The following LGALS4 variants were observed in gnomAD, a reference collection of about 807,000 sequenced individuals.
The protein encoded by LGALS4 is galectin 4.
A neutral mutation model predicts 39.6 loss-of-function variants in LGALS4; 37 were observed. The observed-to-expected ratio is 0.93, with a 90% CI of 0.72 to 1.23. The LOEUF is 1.23. Ranked by LOEUF, LGALS4 falls within the 50% of genes most tolerant of loss-of-function variation. The pLI is 0.00. For missense variants in LGALS4, 397 were observed against 433.2 expected (o/e 0.92, Z 0.74); for synonymous variants, 160 against 165.5 (o/e 0.97, Z 0.25).
At position 38,802,358 on chromosome 19, in the gene LGALS4, C is replaced by A; in HGVS notation, c.617G>T (p.Arg206Ile). Residue 206 changes from arginine (R) to isoleucine (I), a missense_variant, in exon 8 of 10, where the codon AGA (arginine) becomes ATA (isoleucine). Arg to Ile is a moderately conservative substitution (Grantham distance 97). Transcript: ENST00000307751. ...CACATAGCCCTTGATGATGATGGTT[C>A]TTCGAGCTGTGAGCCCTCCTTGCAG... Reference protein sequence around the residue: ...GRLQGGLTARRTIIIKGYVPP... With the variant: ...GRLQGGLTARITIIIKGYVPP... 6.2e-7 allele frequency: 1 copy of A among 1,614,234 alleles called. No homozygotes were observed. The highest frequency in any genetic ancestry group is 8.5e-7 in the Non-Finnish European group (1 of 1,180,042).
chr19:38,807,757 A>G (rs578131316), intron 3 of LGALS4, among the ~76,000 whole-genome samples: 4 of 152,326 alleles, frequency 2.6e-5, no homozygotes, highest in East Asian at 1.9e-4. Flanking sequence ...GTAGACATAG[A>G]AGACTCCATT....
Position 38,812,916 on chromosome 19 carries a change from G to A in LGALS4, c.-30C>T. The A allele has an allele frequency of 6.2e-7, 1 of 1,606,014 alleles. No individual in the cohort carries two copies. The highest frequency in any genetic ancestry group is 8.5e-7 in the Non-Finnish European group (1 of 1,178,186). On this transcript the variant is annotated 5_prime_UTR_variant, in exon 1 of 10. Coordinates refer to ENST00000307751, the MANE Select transcript of LGALS4 (RefSeq NM_006149.4). ...CGAGGCTGCGCTAGTGGCTGGTCCTGTGAGAAGAGCTGCAGGAGTGGGAGA... is the reference window on the plus strand; with the variant it reads ...CGAGGCTGCGCTAGTGGCTGGTCCTATGAGAAGAGCTGCAGGAGTGGGAGA...
rs191218411 is a variant in LGALS4 at position 38,812,632 on chromosome 19, G to A, written c.46-113C>T. 7.4e-4 allele frequency: 781 copies of A among 1,058,526 alleles called. 4 individuals carry two copies. Among genetic ancestry groups the A allele is most frequent in the African/African-American group, 6.4e-3 (405 of 63,768 alleles). 65.6% of individuals were successfully genotyped at this position (1,058,526 alleles called of 1,614,324 possible). A position where few individuals can be genotyped will look rare whatever the true frequency, so the allele number is the denominator to read the frequency against. The stretch of plus-strand genomic sequence containing the variant: ...GCAGGAGAGAGGAAACCATGGGGGA[G>A]GACCAGGTTGAAGATGACGAGGGCC... On this transcript the variant is annotated intron_variant, in intron 1 of 9. Coordinates refer to ENST00000307751, the MANE Select transcript of LGALS4 (RefSeq NM_006149.4).
rs373076680 is a variant in LGALS4, at chr19:38,809,257, G to A, written c.135-309C>T. Among the ~76,000 whole-genome samples the A allele has an allele frequency of 2.2e-3, 320 of 142,430 alleles. 1 individual carries two copies. The highest frequency in any genetic ancestry group is 8.1e-3 in the African/African-American group (310 of 38,242). The allele number at this position is 142,430 out of a possible 152,430, so 93.4% of individuals were successfully genotyped here. On this transcript the variant is annotated intron_variant, in intron 2 of 9. Transcript: ENST00000307751. ...TGGAGTGCCGCGATCTCAGCTCACT[G>A]CAACCTCCGCCTCCTGGATTCCAGT...
chr19:38,809,084 C>T (rs1238136147), intron 2 of LGALS4, 136 bp from the exon 3 acceptor site: 17 of 689,744 alleles, frequency 2.5e-5, no homozygotes, highest in Non-Finnish European at 3.9e-5. Flanking sequence ...GAGGGGCAAC[C>T]TTGGCACTGT....
At chr19:38,805,035 G>A (rs937065257) in intron 4 of LGALS4, among the ~76,000 whole-genome samples, 10 of 151,322 alleles carry the variant, frequency 6.6e-5, no homozygotes, top group Non-Finnish European at 8.8e-5. Flanking sequence ...CTGGTGGTGC[G>A]TGCCTGTAGT....
chr19:38,808,640 A>AAAAG lies in LGALS4; in HGVS notation c.339+100_339+103dup, dbSNP rs1555720049. 2,213 of 773,338 alleles carry AAAAG rather than the reference A, an allele frequency of 2.9e-3. 43 individuals are homozygous for AAAAG. The highest frequency in any genetic ancestry group is 6.6e-3 in the African/African-American group (299 of 45,076). 47.9% of individuals were successfully genotyped at this position (773,338 alleles called of 1,614,324 possible). A position where few individuals can be genotyped will look rare whatever the true frequency, so the allele number is the denominator to read the frequency against. On this transcript the variant is annotated intron_variant, in intron 3 of 9. Transcript: ENST00000307751. ...CTCCATCTCAAAAAAAAAAAAAAAA[A>AAAAG]AAAGAAAGAAAGAAAGAAAAGGAAG...
intron 2 of LGALS4, among the ~76,000 whole-genome samples, chr19:38,809,328 C>T (rs982897691): frequency 6.7e-6 from 1 of 148,994 alleles, no homozygotes; most frequent in African/African-American, 2.5e-5. Flanking sequence ...TACAGGCGTG[C>T]ACCACCACGT....
chr19:38,806,650 C>T, intron 3 of LGALS4, 55 bp from the exon 4 acceptor site: 3 of 1,599,448 alleles, frequency 1.9e-6, no homozygotes, highest in Non-Finnish European at 2.6e-6. Context: ...TGGGAAGGTA[C>T]AAACAGGAAG....
chr19:38,804,206 C>T (rs1429669812), intron 4 of LGALS4, among the ~76,000 whole-genome samples: 1 of 152,210 alleles, frequency 6.6e-6, no homozygotes, highest in Non-Finnish European at 1.5e-5. Flanking sequence ...TCAGTTTCTG[C>T]CTCTGTCCCT....
chr19:38,806,414 C>A, intron 4 of LGALS4, 47 bp downstream of exon 4: 1 of 1,558,736 alleles, frequency 6.4e-7, no homozygotes, highest in Non-Finnish European at 8.7e-7. Flanking sequence ...GAATGTGGAA[C>A]TGAATTTAGA....
At chr19:38,806,349 CAG>C (rs1971420912) in intron 4 of LGALS4, 110 bp downstream of exon 4, 8 of 1,230,740 alleles carry the variant, frequency 6.5e-6, no homozygotes, top group Non-Finnish European at 8.9e-6. Context: ...ACCTGGGCGA[CAG>C]AGTGAGACTC....
At chr19:38,802,208 C>T in intron 8 of LGALS4, 51 bp from the exon 9 acceptor site, 2 of 1,605,158 alleles carry the variant, frequency 1.2e-6, no homozygotes, top group Non-Finnish European at 8.5e-7. Context: ...TGGGAAGAGG[C>T]CAGTGGGCTG....
At chr19:38,809,242 C>T (rs542365239) in intron 2 of LGALS4, among the ~76,000 whole-genome samples, 11 of 145,934 alleles carry the variant, frequency 7.5e-5, no homozygotes, top group South Asian at 2.2e-4. Context: ...TGGAGTGCCG[C>T]GATCTCAGCT....
intron 2 of LGALS4, among the ~76,000 whole-genome samples, chr19:38,812,039 C>A (rs901032940): frequency 2.0e-5 from 3 of 151,250 alleles, no homozygotes; most frequent in South Asian, 2.1e-4. Context: ...ACAAAAAAAA[C>A]AAAAACAGAA....
intron 8 of LGALS4, 43 bp from the exon 9 acceptor site, chr19:38,802,200 G>C: frequency 6.2e-7 from 1 of 1,608,672 alleles, no homozygotes; most frequent in Non-Finnish European, 8.5e-7. Flanking sequence ...GAGTCCAGTG[G>C]GAAGAGGCCA....
At chr19:38,809,266 G>A (rs1971464165) in intron 2 of LGALS4, among the ~76,000 whole-genome samples, 4 of 138,192 alleles carry the variant, frequency 2.9e-5, no homozygotes, top group South Asian at 4.7e-4. Context: ...TGCAACCTCC[G>A]CCTCCTGGAT....
intron 2 of LGALS4, among the ~76,000 whole-genome samples, chr19:38,811,129 G>A (rs989944291): frequency 2.0e-5 from 3 of 151,824 alleles, no homozygotes; most frequent in African/African-American, 7.3e-5. Context: ...TTGAACTCCC[G>A]ATCTCAGGTG....
At chr19:38,807,607 A>G (rs2145357311) in intron 3 of LGALS4, among the ~76,000 whole-genome samples, 1 of 152,180 alleles carries the variant, frequency 6.6e-6, no homozygotes, top group Admixed American at 6.5e-5. Context: ...CTGTCTGGGA[A>G]GTGTACCCAA....
Sources: allele counts gnomAD v4.1 joint callset (sites outside exome capture counted in the v4.1 genomes callset), GRCh38; gene constraint gnomAD v4.1.1; transcripts MANE v1.5; gene names NCBI Gene and HGNC (gene_info 2026-07-23, HGNC 2026-07-21).